Variants in CD300LF observed in about 807,000 individuals in gnomAD.
The protein encoded by CD300LF is CMRF35-like molecule 1.
Under a neutral mutation model 32.2 loss-of-function variants are expected in CD300LF, and 27 were observed. The ratio of observed to expected loss-of-function variants is 0.84; its 90% CI spans 0.62 to 1.15. The LOEUF (loss-of-function observed/expected upper bound fraction) is 1.15. Among genes scored for constraint, CD300LF ranks in the 50% most tolerant of loss-of-function variants. The pLI is 0.00. For synonymous variants in CD300LF, 139 were observed against 143.2 expected, an observed-to-expected ratio of 0.97 and a Z score of 0.21; for missense variants, 348 against 356.8, an observed-to-expected ratio of 0.98 and a Z score of 0.20.
chr17:74,705,358 C>A lies in CD300LF; in HGVS notation c.44-542G>T, dbSNP rs997583184. On this transcript the variant is annotated intron_variant, in intron 1 of 6. Coordinates refer to ENST00000326165, the MANE Select transcript of CD300LF (RefSeq NM_139018.5). The stretch of plus-strand genomic sequence containing the variant: ...CCTTTGAAGTTGATCAAAACAGCAA[C>A]GGCAACTGGTCTCCATGTGCTATAG... 6.1e-6 allele frequency: 4 copies of A among 658,786 alleles called. No homozygotes were observed. The Admixed American group carries it at 6.2e-5, about 10-fold the overall frequency. The allele number at this position is 658,786 out of a possible 1,614,324, so 40.8% of individuals were successfully genotyped here.
At chr17:74,706,494 G>A (rs2033530807) in intron 1 of CD300LF, among the ~76,000 whole-genome samples, 1 of 151,702 alleles carries the variant, frequency 6.6e-6, no homozygotes, top group East Asian at 1.9e-4. Context: ...ATGGAGAAAC[G>A]CCATCTCTAC....
At chr17:74,706,566 G>A (rs1391427938) in intron 1 of CD300LF, among the ~76,000 whole-genome samples, 1 of 152,146 alleles carries the variant, frequency 6.6e-6, no homozygotes, top group Non-Finnish European at 1.5e-5. Flanking sequence ...TACTCGGGAG[G>A]CTGAGGCAAG....
intron 5 of CD300LF, 62 bp from the exon 6 acceptor site, chr17:74,695,921 C>A: frequency 6.4e-7 from 1 of 1,567,990 alleles, no homozygotes; most frequent in South Asian, 1.2e-5. Context: ...GGTTCCTTTT[C>A]CACGGTGGGA....
chr17:74,704,829 A>T lies in CD300LF; in HGVS notation c.44-13T>A. 1 of 1,599,652 alleles carries T rather than the reference A, an allele frequency of 6.3e-7. No individual in the cohort carries two copies. On this transcript the variant is annotated splice_polypyrimidine_tract_variant and intron_variant, in intron 1 of 6. Coordinates refer to ENST00000326165, the MANE Select transcript of CD300LF (RefSeq NM_139018.5). ...ACAATGGAGTAGCCTGGAAAACACA[A>T]ATTCATGTGCTGTCACCTCCCACCC...
chr17:74,708,848 G>A (rs1417250308), intron 1 of CD300LF, among the ~76,000 whole-genome samples: 1 of 151,422 alleles, frequency 6.6e-6, no homozygotes, highest in Non-Finnish European at 1.5e-5. Flanking sequence ...CCGGGGGGGC[G>A]GAGCTTGCAG....
intron 2 of CD300LF, 115 bp from the exon 3 acceptor site, chr17:74,703,213 C>A: frequency 2.3e-6 from 3 of 1,292,606 alleles, no homozygotes; most frequent in South Asian, 1.2e-5. Context: ...CGCAGCCCTG[C>A]ACACAGCTCT....
At chr17:74,709,373 A>G (rs1174143039) in intron 1 of CD300LF, among the ~76,000 whole-genome samples, 1 of 152,236 alleles carries the variant, frequency 6.6e-6, no homozygotes, top group Non-Finnish European at 1.5e-5. Flanking sequence ...TAGCAAACTA[A>G]GAGAACTGCC....
chr17:74,703,209 C>A, intron 2 of CD300LF, 111 bp from the exon 3 acceptor site: 1 of 1,328,842 alleles, frequency 7.5e-7, no homozygotes, highest in South Asian at 1.2e-5. Flanking sequence ...CACCCGCAGC[C>A]CTGCACACAG....
chr17:74,710,597 G>T (rs1460831173), intron 1 of CD300LF, among the ~76,000 whole-genome samples: 2 of 151,746 alleles, frequency 1.3e-5, no homozygotes, highest in African/African-American at 4.8e-5. Context: ...GGTGGCTCAC[G>T]CCTGTAATCC....
chr17:74,699,235 T>C lies in CD300LF; in HGVS notation c.447-754A>G, dbSNP rs188045826. Among the ~76,000 whole-genome samples the C allele has an allele frequency of 4.3e-3, 647 of 152,176 alleles. 8 individuals are homozygous for C. The highest frequency in any genetic ancestry group is 0.022 in the South Asian group (104 of 4,816). ...CCCGGCCTTAACAAAAGATAGTTTT[T>C]AAAAGGAGAAAAGGGTTCCATGAGG... is the stretch of plus-strand genomic sequence containing the variant. On this transcript the variant is annotated intron_variant, in intron 3 of 6. Coordinates refer to ENST00000326165, the MANE Select transcript of CD300LF (RefSeq NM_139018.5).
chr17:74,707,993 C>T (rs535719797), intron 1 of CD300LF, among the ~76,000 whole-genome samples: 1 of 151,456 alleles, frequency 6.6e-6, no homozygotes, highest in South Asian at 2.1e-4. Flanking sequence ...ACTAAAAATA[C>T]AAAAATTAGC....
chr17:74,695,439 C>G (rs887283883), intron 6 of CD300LF, among the ~76,000 whole-genome samples, 188 bp from the exon 7 acceptor site: 1 of 152,176 alleles, frequency 6.6e-6, no homozygotes, highest in Non-Finnish European at 1.5e-5. Flanking sequence ...AGATTCTCCC[C>G]CAACCCTGCA....
At chr17:74,698,759 G>C (rs535889165) in intron 3 of CD300LF, 141 of 586,388 alleles carry the variant, frequency 2.4e-4, no homozygotes, top group African/African-American at 2.3e-3. Context: ...CTACCTATTG[G>C]GTACTATACC....
chr17:74,699,881 C>T (rs2032877716), intron 3 of CD300LF, among the ~76,000 whole-genome samples: 1 of 152,082 alleles, frequency 6.6e-6, no homozygotes, highest in African/African-American at 2.4e-5. Context: ...TGGCTCATAC[C>T]TGTAATCCCA....
At chr17:74,709,801 G>C (rs1408047280) in intron 1 of CD300LF, among the ~76,000 whole-genome samples, 1 of 151,868 alleles carries the variant, frequency 6.6e-6, no homozygotes, top group African/African-American at 2.4e-5. Context: ...TCAAACTCCT[G>C]GACTCAACCG....
chr17:74,702,350 C>G (rs1008537792), intron 3 of CD300LF, among the ~76,000 whole-genome samples: 1 of 152,162 alleles, frequency 6.6e-6, no homozygotes, highest in Non-Finnish European at 1.5e-5. Context: ...TCCAGCACCA[C>G]CCTTCACTGA....
chr17:74,705,953 T>C (rs1030692627), intron 1 of CD300LF, among the ~76,000 whole-genome samples: 7 of 152,202 alleles, frequency 4.6e-5, no homozygotes, highest in Admixed American at 1.3e-4. Context: ...GCAACATGGA[T>C]GTGGCTGGAG....
intron 1 of CD300LF, 100 bp downstream of exon 1, chr17:74,712,724 C>T: frequency 8.2e-7 from 1 of 1,217,608 alleles, no homozygotes. Flanking sequence ...AAGGCTCATG[C>T]CATTAAGGAC....
intron 3 of CD300LF, among the ~76,000 whole-genome samples, chr17:74,699,159 C>T (rs1296219888): frequency 6.6e-6 from 1 of 152,116 alleles, no homozygotes; most frequent in Non-Finnish European, 1.5e-5. Flanking sequence ...CCTCATGATC[C>T]GCCCACCTCA....
Sources: allele counts gnomAD v4.1 joint callset (sites outside exome capture counted in the v4.1 genomes callset), GRCh38; gene constraint gnomAD v4.1.1; transcripts MANE v1.5; gene names NCBI Gene and HGNC (gene_info 2026-07-23, HGNC 2026-07-21).